The following CABLES1 variants were observed in gnomAD, a reference collection of about 807,000 sequenced individuals.
The protein encoded by CABLES1 is CDK5 and ABL1 enzyme substrate 1.
In CABLES1, 36 loss-of-function variants were observed where a neutral mutation model predicts 57.8. That is an observed-to-expected ratio of 0.62 (90% CI 0.48 to 0.82). CABLES1 has a LOEUF of 0.82. Among genes scored for constraint, CABLES1 ranks in the 40% least tolerant of loss-of-function variants. CABLES1 has a pLI of 0.00. For synonymous variants in CABLES1, 374 were observed against 363.0 expected, an observed-to-expected ratio of 1.03 and a Z score of -0.35; for missense variants, 767 against 836.6, an observed-to-expected ratio of 0.92 and a Z score of 1.03.
rs556736548 is a variant in CABLES1 at position 23,174,663 on chromosome 18, A to G, written c.846-14175A>G. 8.3e-4 allele frequency among the ~76,000 whole-genome samples: 126 copies of G among 151,640 alleles called. 1 individual carries two copies. The South Asian group carries it at 0.02, about 24-fold the overall frequency. On this transcript the variant is annotated intron_variant, in intron 1 of 9. Coordinates refer to ENST00000256925, the MANE Select transcript of CABLES1 (RefSeq NM_001100619.3). ...ATTTTTTTGCATTTTTAGTAGAGAC[A>G]GGATTTCACCATGTTAGCCAGGATG...
rs1226967752 is a variant in CABLES1 at position 23,258,144 on chromosome 18, C to T, written c.*777C>T. ...TTCTGAGTGTTGGATGAGTCAGTCGCGTGGAAGGACGTGGAGCGTGGCGCT... is the reference window on the plus strand; with the variant it reads ...TTCTGAGTGTTGGATGAGTCAGTCGTGTGGAAGGACGTGGAGCGTGGCGCT... On this transcript the variant is annotated 3_prime_UTR_variant, in exon 10 of 10. Transcript: ENST00000256925. 1.3e-5 allele frequency: 2 copies of T among 152,358 alleles called. No homozygotes were observed. The highest frequency in any genetic ancestry group is 4.8e-5 in the African/African-American group (2 of 41,444). 9.4% of individuals were successfully genotyped at this position (152,358 alleles called of 1,614,324 possible). A position where few individuals can be genotyped will look rare whatever the true frequency, so the allele number is the denominator to read the frequency against.
intron 1 of CABLES1, among the ~76,000 whole-genome samples, chr18:23,181,620 C>CTGG (rs1391048817): frequency 1.3e-5 from 2 of 151,168 alleles, no homozygotes; most frequent in East Asian, 3.9e-4. Flanking sequence ...ACCCACCTAC[C>CTGG]TGGTGAGGGG....
Position 23,259,439 on chromosome 18 carries a change from G to GTGA in CABLES1, c.*2074_*2076dup, listed in dbSNP as rs1425280190. 1.3e-5 allele frequency: 2 copies of GTGA among 152,206 alleles called. No individual in the cohort carries two copies. Among genetic ancestry groups the GTGA allele is most frequent in the African/African-American group, 2.4e-5 (1 of 41,448 alleles). 9.4% of individuals were successfully genotyped at this position (152,206 alleles called of 1,614,324 possible). On this transcript the variant is annotated 3_prime_UTR_variant, in exon 10 of 10. Transcript: ENST00000256925. The stretch of plus-strand genomic sequence containing the variant: ...TCAGGCTAATTTACTTGGATTTGGG[G>GTGA]TGATTTGTTTGGTTTTTAGCATTTA...
chr18:23,245,080 C>T (rs2047841149), intron 7 of CABLES1, among the ~76,000 whole-genome samples: 1 of 152,216 alleles, frequency 6.6e-6, no homozygotes, highest in African/African-American at 2.4e-5. Context: ...CCATCCCCTC[C>T]CGTTATACCC....
At chr18:23,256,975 G>T (rs1265189386) in intron 9 of CABLES1, among the ~76,000 whole-genome samples, 1 of 152,184 alleles carries the variant, frequency 6.6e-6, no homozygotes, top group Non-Finnish European at 1.5e-5. Context: ...TCATATTCCT[G>T]AGAGGATTAA....
At chr18:23,173,100 T>C (rs534251710) in intron 1 of CABLES1, among the ~76,000 whole-genome samples, 1 of 152,192 alleles carries the variant, frequency 6.6e-6, no homozygotes, top group Admixed American at 6.5e-5. Flanking sequence ...TTTGGAGAGA[T>C]GGAGAGAGAG....
chr18:23,138,953 C>T (rs549145972), intron 1 of CABLES1, among the ~76,000 whole-genome samples: 44 of 152,254 alleles, frequency 2.9e-4, no homozygotes, highest in African/African-American at 9.9e-4. Context: ...CTCCAGACTA[C>T]GTGAGTCCAG....
chr18:23,146,161 G>A (rs898483126), intron 1 of CABLES1, among the ~76,000 whole-genome samples: 4 of 152,190 alleles, frequency 2.6e-5, no homozygotes, highest in African/African-American at 7.2e-5. Context: ...TGTCTACTTC[G>A]ATAGTTTTAA....
intron 7 of CABLES1, among the ~76,000 whole-genome samples, chr18:23,239,533 C>G (rs928413989): frequency 6.6e-6 from 1 of 152,236 alleles, no homozygotes; most frequent in African/African-American, 2.4e-5. Context: ...GGGTTACAGG[C>G]CGTTTCTCAT....
At chr18:23,208,155 C>T (rs1412652866) in intron 3 of CABLES1, among the ~76,000 whole-genome samples, 2 of 152,162 alleles carry the variant, frequency 1.3e-5, no homozygotes, top group South Asian at 2.1e-4. Context: ...CCCTTCTCTT[C>T]CCAGCTCCGG....
At chr18:23,249,206 G>A (rs1175319435) in intron 7 of CABLES1, among the ~76,000 whole-genome samples, 5 of 152,242 alleles carry the variant, frequency 3.3e-5, no homozygotes, top group Non-Finnish European at 7.3e-5. Context: ...AGCCAGAATT[G>A]TTTTTGGAAT....
In CABLES1 at chr18:23,253,831, G is replaced by A; in HGVS notation, c.1656G>A (p.Gly552=). ...ACTTTGAAAAGCTCGCCCTCAAGGG[G>A]AAACTCAACAAACAGAACCGGAAGC... is the stretch of plus-strand genomic sequence containing the variant. The part of the protein sequence containing the change: ...FVYFEKLALK[G]KLNKQNRKLC... Residue 552 remains glycine (G), a synonymous_variant, in exon 9 of 10, where the codon GGG becomes GGA. Transcript: ENST00000256925. 1 of 1,614,238 alleles carries A rather than the reference G, an allele frequency of 6.2e-7. No homozygotes were observed. Among genetic ancestry groups the A allele is most frequent in the Non-Finnish European group, 8.5e-7 (1 of 1,180,046 alleles).
chr18:23,168,690 G>GGA (rs2047060525), intron 1 of CABLES1, among the ~76,000 whole-genome samples: 1 of 152,240 alleles, frequency 6.6e-6, no homozygotes, highest in South Asian at 2.1e-4. Context: ...GGGTGGACGT[G>GGA]GAGCCTGGCA....
At position 23,251,461 on chromosome 18, in the gene CABLES1, A is replaced by T. The variant is rs897861880; in HGVS notation, c.1447-1499A>T. Among the ~76,000 whole-genome samples the T allele has an allele frequency of 2.0e-5, 3 of 152,136 alleles. No individual in the cohort carries two copies. The East Asian group carries it at 5.8e-4, about 29-fold the overall frequency. On this transcript the variant is annotated intron_variant, in intron 7 of 9. Transcript: ENST00000256925. ...GCATGACTCCGTCTCAAAAAAAATA[A>T]AAAAAGATTATGGCGTGTAGTCAGC... is the stretch of plus-strand genomic sequence containing the variant.
rs374881958 is a variant in CABLES1 at position 23,252,978 on chromosome 18, G to A, written c.1465G>A (p.Val489Met). ...GTTACAGACAACAGTGATTGACTACGTGAAGCCCTCGGATCTCAAGAAGGA... is the reference window on the plus strand; with the variant it reads ...GTTACAGACAACAGTGATTGACTACATGAAGCCCTCGGATCTCAAGAAGGA... ...PSYMTTVIDYVKPSDLKKDMN... is the reference protein window; with the variant it reads ...PSYMTTVIDYMKPSDLKKDMN... Residue 489 changes from valine to methionine, a missense_variant, in exon 8 of 10, where the codon GTG (valine) becomes ATG (methionine). Val to Met is a conservative substitution (Grantham distance 21). This residue lies in a region of CABLES1 where 529 missense variants were observed against 622.8 expected (regional missense o/e 0.85). Coordinates refer to ENST00000256925, the MANE Select transcript of CABLES1 (RefSeq NM_001100619.3). 5 of 1,612,146 alleles carry A rather than the reference G, an allele frequency of 3.1e-6. No homozygotes were observed. Among genetic ancestry groups the A allele is most frequent in the Middle Eastern group, 1.7e-4 (1 of 6,052 alleles).
At chr18:23,154,171 G>GTATC (rs1446673393) in intron 1 of CABLES1, among the ~76,000 whole-genome samples, 1 of 152,152 alleles carries the variant, frequency 6.6e-6, no homozygotes, top group East Asian at 1.9e-4. Flanking sequence ...GCACATGTTT[G>GTATC]TATCTGATTG....
intron 1 of CABLES1, among the ~76,000 whole-genome samples, 170 bp from the exon 2 acceptor site, chr18:23,188,667 TG>T (rs1400735318): frequency 2.0e-5 from 3 of 152,114 alleles, no homozygotes; most frequent in African/African-American, 7.2e-5. Flanking sequence ...GCCAGCAAGA[TG>T]GGCCTGGCGT....
Position 23,155,950 on chromosome 18 carries a change from C to T in CABLES1, c.845+19343C>T, listed in dbSNP as rs199865429. 4,484 of 1,614,128 alleles carry T rather than the reference C, an allele frequency of 2.8e-3. 5 individuals are homozygous for T. The highest frequency in any genetic ancestry group is 3.5e-3 in the Non-Finnish European group (4,181 of 1,180,016). On this transcript the variant is annotated intron_variant, in intron 1 of 9. Coordinates refer to ENST00000256925, the MANE Select transcript of CABLES1 (RefSeq NM_001100619.3). Reference sequence around the variant, plus strand: ...ATGCAAGAATATATGCTGATTTTCCCATGTAAGTTGTCAGAGGATCGCCTG... The same window carrying T: ...ATGCAAGAATATATGCTGATTTTCCTATGTAAGTTGTCAGAGGATCGCCTG...
chr18:23,154,289 G>A (rs1201645819), intron 1 of CABLES1, among the ~76,000 whole-genome samples: 1 of 152,182 alleles, frequency 6.6e-6, no homozygotes, highest in Non-Finnish European at 1.5e-5. Context: ...CTGTCCATTT[G>A]TTCTTGCTCG....
Sources: gnomAD v4.1 joint callset for allele counts (sites outside exome capture counted in the v4.1 genomes callset) on GRCh38, gnomAD v4.1.1 for gene constraint, gnomAD v4.1.1 regional missense constraint, MANE v1.5 for transcripts, NCBI Gene and HGNC (gene_info 2026-07-23, HGNC 2026-07-21) for gene names.